The following CCDC170 variants were observed in gnomAD, a reference collection of about 807,000 sequenced individuals.
CCDC170 encodes coiled-coil domain-containing protein 170.
Under a neutral mutation model 72.6 loss-of-function variants are expected in CCDC170, and 69 were observed. That is an observed-to-expected ratio of 0.95 (90% CI 0.78 to 1.16). The LOEUF (loss-of-function observed/expected upper bound fraction) is 1.16. CCDC170 is among the 50% of genes most tolerant of loss of function. The pLI, the probability that CCDC170 is intolerant of heterozygous loss-of-function variation, is 0.00. For synonymous variants in CCDC170, 300 were observed against 303.9 expected (o/e 0.99, Z 0.13); for missense variants, 852 against 832.5 (o/e 1.02, Z -0.29).
At chr6:151,541,816 T>C (rs1036835509) in intron 3 of CCDC170, among the ~76,000 whole-genome samples, 2 of 147,128 alleles carry the variant, frequency 1.4e-5, no homozygotes, top group African/African-American at 4.9e-5. Context: ...GTTCTAAATA[T>C]ATATATGTAT....
At chr6:151,613,179 G>A (rs566575095) in intron 9 of CCDC170, among the ~76,000 whole-genome samples, 3 of 152,280 alleles carry the variant, frequency 2.0e-5, no homozygotes, top group African/African-American at 7.2e-5. Context: ...TGAGGCGAGA[G>A]GATCACTTGA....
chr6:151,588,236 A>G (rs1213944082), intron 7 of CCDC170, among the ~76,000 whole-genome samples: 1 of 152,212 alleles, frequency 6.6e-6, no homozygotes, highest in South Asian at 2.1e-4. Flanking sequence ...CCTGGGCCAC[A>G]TTGGAAGAAG....
chr6:151,560,838 G>A (rs965249879), intron 5 of CCDC170, among the ~76,000 whole-genome samples: 4 of 151,876 alleles, frequency 2.6e-5, no homozygotes, highest in Admixed American at 6.6e-5. Flanking sequence ...TTTACTTTAA[G>A]CCTGTGTGTG....
intron 1 of CCDC170, among the ~76,000 whole-genome samples, chr6:151,519,337 A>T (rs994194001): frequency 6.6e-6 from 1 of 152,218 alleles, no homozygotes; most frequent in African/African-American, 2.4e-5. Flanking sequence ...TGCAAGAAGA[A>T]AAATATGGCT....
chr6:151,592,041 T>C (rs1461296987), intron 7 of CCDC170, among the ~76,000 whole-genome samples: 4 of 151,856 alleles, frequency 2.6e-5, no homozygotes, highest in African/African-American at 7.3e-5. Flanking sequence ...TGGGTGGGTG[T>C]GTTAGTCCAT....
Position 151,607,630 on chromosome 6 carries a change from A to ATT in CCDC170, c.1711-7804_1711-7803dup, listed in dbSNP as rs11411939. On this transcript the variant is annotated intron_variant, in intron 9 of 10. Transcript: ENST00000239374. Reference sequence around the variant, plus strand: ...TGTTGGCTGTGTATTGTTGATAGGCATTTTTTTTTTCCCTTTTAGCACTTT... The same window carrying ATT: ...TGTTGGCTGTGTATTGTTGATAGGCATTTTTTTTTTTTCCCTTTTAGCACTTT... Among the ~76,000 whole-genome samples, 1,222 of 149,634 alleles carry ATT rather than the reference A, an allele frequency of 8.2e-3. 14 individuals carry two copies. The highest frequency in any genetic ancestry group is 0.026 in the Admixed American group (389 of 15,008).
intron 9 of CCDC170, among the ~76,000 whole-genome samples, chr6:151,600,133 T>C (rs1365176430): frequency 6.6e-6 from 1 of 152,212 alleles, no homozygotes; most frequent in African/African-American, 2.4e-5. Flanking sequence ...TTCATGCATT[T>C]ATGAGATATC....
intron 5 of CCDC170, among the ~76,000 whole-genome samples, chr6:151,567,962 T>C (rs1363435795): frequency 1.7e-5 from 2 of 118,532 alleles, no homozygotes; most frequent in African/African-American, 6.9e-5. Flanking sequence ...AATACAAAAA[T>C]TAGCTGGGCA....
chr6:151,590,874 G>T (rs886735870), intron 7 of CCDC170, among the ~76,000 whole-genome samples: 6 of 152,160 alleles, frequency 3.9e-5, no homozygotes, highest in African/African-American at 1.4e-4. Flanking sequence ...TCTATTTTAT[G>T]TAAAATACAA....
Position 151,620,189 on chromosome 6 carries a change from C to CAAAAAAAA in CCDC170, c.*2052_*2059dup, listed in dbSNP as rs35011106. 6.7e-5 allele frequency: 7 copies of CAAAAAAAA among 104,676 alleles called. No homozygotes were observed. The highest frequency in any genetic ancestry group is 3.7e-4 in the South Asian group (1 of 2,724). The allele number at this position is 104,676 out of a possible 1,614,324, so 6.5% of individuals were successfully genotyped here. ...CCAATAAATGTAGAATGGATGATTC[C>CAAAAAAAA]AAAAAAAAAAAAAAAAAGAAGAAAG... On this transcript the variant is annotated 3_prime_UTR_variant, in exon 11 of 11. Coordinates refer to ENST00000239374, the MANE Select transcript of CCDC170 (RefSeq NM_025059.4).
At chr6:151,514,698 C>T (rs1014062948) in intron 1 of CCDC170, among the ~76,000 whole-genome samples, 6 of 152,062 alleles carry the variant, frequency 3.9e-5, no homozygotes, top group Admixed American at 6.5e-5. Context: ...CCTTGTCTAT[C>T]GTGGGCAGCT....
intron 6 of CCDC170, among the ~76,000 whole-genome samples, chr6:151,574,970 C>T (rs926267197): frequency 6.6e-6 from 1 of 152,102 alleles, no homozygotes; most frequent in African/African-American, 2.4e-5. Flanking sequence ...GGGGTCCTAT[C>T]TAACAAATGG....
intron 1 of CCDC170, among the ~76,000 whole-genome samples, chr6:151,525,803 C>T (rs994738476): frequency 2.6e-5 from 4 of 152,302 alleles, no homozygotes; most frequent in African/African-American, 9.6e-5. Flanking sequence ...TGGACACTTA[C>T]AAAACATGAA....
At chr6:151,581,124 G>A (rs1485353670) in intron 6 of CCDC170, among the ~76,000 whole-genome samples, 1 of 152,168 alleles carries the variant, frequency 6.6e-6, no homozygotes, top group East Asian at 1.9e-4. Context: ...TTGGGTGGCT[G>A]TGGCAATTTC....
chr6:151,495,866 A>T (rs948960546), intron 1 of CCDC170, among the ~76,000 whole-genome samples: 2 of 152,190 alleles, frequency 1.3e-5, no homozygotes, highest in Non-Finnish European at 2.9e-5. Context: ...TCTAACGAAC[A>T]TACAATGATC....
At chr6:151,571,159 G>A (rs147627333) in intron 5 of CCDC170, among the ~76,000 whole-genome samples, 32 of 152,242 alleles carry the variant, frequency 2.1e-4, no homozygotes, top group African/African-American at 7.7e-4. Context: ...AGCTGTTAAT[G>A]GAGAGAAATT....
intron 9 of CCDC170, among the ~76,000 whole-genome samples, chr6:151,604,049 A>C (rs1776748680): frequency 6.6e-6 from 1 of 152,228 alleles, no homozygotes. Context: ...GCCGAAGATC[A>C]GCAGTCAGAC....
chr6:151,526,095 TCTTCCTTC>T (rs202097692), intron 1 of CCDC170, among the ~76,000 whole-genome samples: 3 of 145,584 alleles, frequency 2.1e-5, no homozygotes, highest in South Asian at 2.1e-4. Context: ...TTCCTTCCTT[TCTTCCTTC>T]CTTCCTTCCT....
intron 5 of CCDC170, among the ~76,000 whole-genome samples, chr6:151,551,384 T>C (rs892532145): frequency 7.9e-5 from 12 of 152,176 alleles, no homozygotes; most frequent in African/African-American, 2.9e-4. Flanking sequence ...ATACCATCTG[T>C]GGTGGTTTTC....
Sources: allele counts gnomAD v4.1 joint callset (sites outside exome capture counted in the v4.1 genomes callset), GRCh38; gene constraint gnomAD v4.1.1; transcripts MANE v1.5; gene names NCBI Gene and HGNC (gene_info 2026-07-23, HGNC 2026-07-21).